The following NME7 variants were observed in gnomAD, a reference collection of about 807,000 sequenced individuals.
NME7 encodes NME/NM23 family member 7.
In NME7, 41 loss-of-function variants were observed where a neutral mutation model predicts 49.1. That is an observed-to-expected ratio of 0.83 (90% confidence interval 0.65 to 1.08). The LOEUF (loss-of-function observed/expected upper bound fraction) is 1.08, where lower values mean the gene tolerates loss of function less well. Among genes scored for constraint, NME7 ranks in the 50% least tolerant of loss-of-function variants. The pLI is 0.00. For missense variants in NME7, 423 were observed against 463.4 expected (o/e 0.91, Z 0.80); for synonymous variants, 139 against 150.6 (o/e 0.92, Z 0.56).
At chr1:169,294,074 A>G (rs1211547465) in intron 6 of NME7, among the ~76,000 whole-genome samples, 1 of 152,176 alleles carries the variant, frequency 6.6e-6, no homozygotes, top group African/African-American at 2.4e-5. Context: ...GGGAAGCACC[A>G]TGCAAGTAAA....
At chr1:169,211,831 T>C (rs12139905) in intron 10 of NME7, among the ~76,000 whole-genome samples, 3 of 152,174 alleles carry the variant, frequency 2.0e-5, no homozygotes, top group Non-Finnish European at 4.4e-5. Flanking sequence ...TTGAATTACA[T>C]CTTCTGCTTT....
At chr1:169,190,393 A>T (rs947987763) in intron 10 of NME7, among the ~76,000 whole-genome samples, 5 of 151,304 alleles carry the variant, frequency 3.3e-5, no homozygotes, top group Admixed American at 2.0e-4. Flanking sequence ...TATATATATA[A>T]AAAGACAATG....
intron 10 of NME7, among the ~76,000 whole-genome samples, chr1:169,177,686 C>A (rs1659792762): frequency 6.6e-6 from 1 of 152,072 alleles, no homozygotes; most frequent in African/African-American, 2.4e-5. Flanking sequence ...AACTCTCCAA[C>A]CCCACCTGAA....
chr1:169,132,600 ATGT>A lies in NME7; in HGVS notation c.*182_*184del, dbSNP rs1008338835. The A allele has an allele frequency of 3.4e-5, 18 of 529,534 alleles. No individual in the cohort carries two copies. Among genetic ancestry groups the A allele is most frequent in the Non-Finnish European group, 4.6e-5 (14 of 301,420 alleles). 32.8% of individuals were successfully genotyped at this position (529,534 alleles called of 1,614,324 possible). On this transcript the variant is annotated 3_prime_UTR_variant, in exon 12 of 12. Transcript: ENST00000367811. ...GCAGTACCCCATAGACTGGTGTTAA[ATGT>A]TGTCTACAGTGCAAAATCCATGTTC...
intron 7 of NME7, among the ~76,000 whole-genome samples, chr1:169,258,725 C>G (rs1649065305): frequency 7.5e-6 from 1 of 132,784 alleles, no homozygotes; most frequent in Non-Finnish European, 1.8e-5. Context: ...TAAGCATATA[C>G]TATATACACT....
intron 8 of NME7, among the ~76,000 whole-genome samples, 177 bp from the exon 9 acceptor site, chr1:169,235,376 T>C (rs1170028094): frequency 6.6e-6 from 1 of 152,100 alleles, no homozygotes. Context: ...AGAATAATAA[T>C]GGATAACAGC....
At chr1:169,230,952 G>A (rs1252152980) in intron 9 of NME7, 133 bp from the exon 10 acceptor site, 6 of 497,736 alleles carry the variant, frequency 1.2e-5, no homozygotes, top group Non-Finnish European at 2.1e-5. Context: ...CACATATCAA[G>A]CAGTTCCCAA....
intron 10 of NME7, among the ~76,000 whole-genome samples, chr1:169,188,797 G>A (rs150099490): frequency 2.0e-5 from 3 of 152,260 alleles, no homozygotes; most frequent in South Asian, 4.1e-4. Flanking sequence ...TACACACTGA[G>A]GTGATACCAT....
intron 7 of NME7, among the ~76,000 whole-genome samples, chr1:169,243,827 G>A (rs1441458530): frequency 1.3e-5 from 2 of 152,112 alleles, no homozygotes; most frequent in Non-Finnish European, 1.5e-5. Context: ...CTAAGATAAT[G>A]CCTATGAGGA....
At chr1:169,352,369 A>G (rs535451615) in intron 1 of NME7, among the ~76,000 whole-genome samples, 1 of 152,288 alleles carries the variant, frequency 6.6e-6, no homozygotes, top group African/African-American at 2.4e-5. Context: ...CATTTGATAA[A>G]ATTCAACATC....
At chr1:169,317,529 A>G (rs897805467) in intron 3 of NME7, among the ~76,000 whole-genome samples, 4 of 152,212 alleles carry the variant, frequency 2.6e-5, no homozygotes, top group African/African-American at 7.2e-5. Flanking sequence ...GTGAGTTTTT[A>G]GCAAGGCCTC....
intron 10 of NME7, among the ~76,000 whole-genome samples, chr1:169,213,278 G>T (rs959012758): frequency 6.6e-6 from 1 of 151,902 alleles, no homozygotes; most frequent in Non-Finnish European, 1.5e-5. Flanking sequence ...ATTTCTCCTA[G>T]GAACAATAGT....
At chr1:169,267,004 G>T (rs576178466) in intron 7 of NME7, among the ~76,000 whole-genome samples, 1 of 133,196 alleles carries the variant, frequency 7.5e-6, no homozygotes, top group Non-Finnish European at 1.8e-5. Context: ...GGAGGTGGAG[G>T]TTGCCGTGAG....
intron 11 of NME7, among the ~76,000 whole-genome samples, chr1:169,147,420 C>G (rs1407946310): frequency 6.6e-6 from 1 of 152,136 alleles, no homozygotes; most frequent in Non-Finnish European, 1.5e-5. Context: ...ACCCAGATTG[C>G]CTGGGTTCAA....
intron 3 of NME7, among the ~76,000 whole-genome samples, chr1:169,320,430 T>C (rs1651811308): frequency 6.6e-6 from 1 of 152,176 alleles, no homozygotes; most frequent in Non-Finnish European, 1.5e-5. Flanking sequence ...TCACTCATCC[T>C]CCTCACTACA....
rs185655806 is a variant in NME7, at chr1:169,282,354, T to A, written c.754+4949A>T. On this transcript the variant is annotated intron_variant, in intron 7 of 11. Coordinates refer to ENST00000367811, the MANE Select transcript of NME7 (RefSeq NM_013330.5). ...TCTTCTCTCTTTTCTTCTTTATTAG[T>A]CTGGCTAGCAGTCTATCTATTTTGA... 8.5e-5 allele frequency among the ~76,000 whole-genome samples: 13 copies of A among 152,308 alleles called. No individual in the cohort carries two copies. In the East Asian group the frequency reaches 2.5e-3, roughly 29 times the overall value.
intron 10 of NME7, among the ~76,000 whole-genome samples, chr1:169,215,547 A>G (rs1660951760): frequency 6.6e-6 from 1 of 152,060 alleles, no homozygotes; most frequent in South Asian, 2.1e-4. Flanking sequence ...TGTAAAGAGA[A>G]GTGACAGGTA....
rs1433987021 is a variant in NME7, at chr1:169,255,924, G to A, written c.755-18237C>T. Among the ~76,000 whole-genome samples the A allele has an allele frequency of 7.5e-5, 10 of 133,292 alleles. 3 individuals are homozygous for A. The East Asian group carries it at 1.2e-3, about 16-fold the overall frequency. 87.4% of individuals were successfully genotyped at this position (133,292 alleles called of 152,430 possible). ...TCTTCTGGCTTGTAGGGTTTCTGCCGAGAGATCCACTGTTAGTCTGATGGG... is the reference window on the plus strand; with the variant it reads ...TCTTCTGGCTTGTAGGGTTTCTGCCAAGAGATCCACTGTTAGTCTGATGGG... On this transcript the variant is annotated intron_variant, in intron 7 of 11. Transcript: ENST00000367811.
chr1:169,234,680 C>G (rs1387778881), intron 9 of NME7, among the ~76,000 whole-genome samples: 1 of 151,938 alleles, frequency 6.6e-6, no homozygotes, highest in Non-Finnish European at 1.5e-5. Context: ...GGTCATATAA[C>G]TAGAAGATTT....
Sources: gnomAD v4.1 joint callset for allele counts (sites outside exome capture counted in the v4.1 genomes callset) on GRCh38, gnomAD v4.1.1 for gene constraint, MANE v1.5 for transcripts, NCBI Gene and HGNC (gene_info 2026-07-23, HGNC 2026-07-21) for gene names.